GGA3: variants seen among roughly 807,000 people sequenced by gnomAD.
The protein encoded by GGA3 is golgi associated, gamma adaptin ear containing, ARF binding protein 3, also known as ADP-ribosylation factor-binding protein GGA3.
GGA3 carries 57 observed loss-of-function variants against 77.5 expected under a neutral mutation model. The observed-to-expected ratio is 0.74, with a 90% CI of 0.59 to 0.92. The LOEUF (loss-of-function observed/expected upper bound fraction) is 0.92, where lower values mean the gene tolerates loss of function less well. Among genes scored for constraint, GGA3 ranks in the 40% least tolerant of loss-of-function variants. GGA3 has a pLI of 0.00. For missense variants in GGA3, 970 were observed against 914.9 expected (o/e 1.06, Z -0.78); for synonymous variants, 416 against 383.7 (o/e 1.08, Z -0.98).
At chr17:75,241,316 C>A (rs2076547414) in intron 10 of GGA3, 84 bp downstream of exon 10, 1 of 917,912 alleles carries the variant, frequency 1.1e-6, no homozygotes, top group Non-Finnish European at 1.8e-6. Context: ...CACCACCACG[C>A]TGGCCAGCCT....
At position 75,240,002 on chromosome 17, in the gene GGA3, G is replaced by A; in HGVS notation, c.1370C>T (p.Ser457Phe). 1.3e-6 allele frequency: 2 copies of A among 1,553,840 alleles called. No individual in the cohort carries two copies. The highest frequency in any genetic ancestry group is 1.4e-5 in the African/African-American group (1 of 73,290). Residue 457 changes from serine to phenylalanine, a missense_variant, in exon 13 of 17, where the codon TCC becomes TTC. Coordinates refer to ENST00000537686, the MANE Select transcript of GGA3 (RefSeq NM_138619.4). ...LQPSAPSSSS[S>F]QAPLPPPFPA... The stretch of plus-strand genomic sequence containing the variant: ...GAAGGGAGGCGGCAGTGGAGCTTGG[G>A]AGCTGCTTGAGGAGGGGGCTGAGGG...
rs888148878 is a variant in GGA3 at position 75,237,077 on chromosome 17, A to G, written c.*1202T>C. On this transcript the variant is annotated 3_prime_UTR_variant, in exon 17 of 17. Transcript: ENST00000537686. ...TCCCCCGTGTCTATGGCAGCTGGTGATTTTTTTTTTGTGACGGAGGCTTGG... is the reference window on the plus strand; with the variant it reads ...TCCCCCGTGTCTATGGCAGCTGGTGGTTTTTTTTTTGTGACGGAGGCTTGG... 1.8e-5 allele frequency: 4 copies of G among 221,130 alleles called. No homozygotes were observed. Among genetic ancestry groups the G allele is most frequent in the Non-Finnish European group, 3.6e-5 (4 of 111,434 alleles). 13.7% of individuals were successfully genotyped at this position (221,130 alleles called of 1,614,324 possible). A position where few individuals can be genotyped will look rare whatever the true frequency, so the allele number is the denominator to read the frequency against.
Position 75,242,384 on chromosome 17 carries a change from A to G in GGA3, c.699T>C (p.Leu233=). ...CCGAAGAGTCCTCCTGGCTGTAATG[A>G]AGCAGCATCTCACTGAGCAGTCTCA... ...NNVRLLSEML[L]HYSQEDSSDG... is the part of the protein sequence containing the mutation. The change falls in exon 8 of 17, where the codon CTT becomes CTC. Residue 233 remains leucine, a synonymous_variant. Coordinates refer to ENST00000537686, the MANE Select transcript of GGA3 (RefSeq NM_138619.4). 1.2e-6 allele frequency: 2 copies of G among 1,614,154 alleles called. No individual in the cohort carries two copies. The highest frequency in any genetic ancestry group is 2.2e-5 in the South Asian group (2 of 91,086).
intron 1 of GGA3, among the ~76,000 whole-genome samples, chr17:75,259,727 C>T (rs17568408): frequency 0.16 from 24,972 of 151,724 alleles, 2,664 homozygotes; most frequent in Middle Eastern, 0.28. Flanking sequence ...CTGACTGAGA[C>T]GATGCTGAAC....
At position 75,238,320 on chromosome 17, in the gene GGA3, C is replaced by T; in HGVS notation, c.2131G>A (p.Val711Met). 1 of 1,613,884 alleles carries T rather than the reference C, an allele frequency of 6.2e-7. No homozygotes were observed. Among genetic ancestry groups the T allele is most frequent in the Admixed American group, 1.7e-5 (1 of 60,012 alleles). ...GEQLSTEVGE[V>M]DQFPPVEQWG... is the part of the protein sequence containing the mutation. ...TGTTCCACAGGAGGGAACTGGTCCA[C>T]CTCGCCCACCTCTGTGCTCAGCTGC... Residue 711 changes from valine to methionine, a missense_variant, in exon 17 of 17, where the codon GTG (valine) becomes ATG (methionine). Coordinates refer to ENST00000537686, the MANE Select transcript of GGA3 (RefSeq NM_138619.4).
chr17:75,248,912 C>T (rs915305288), intron 1 of GGA3: 99 of 985,052 alleles, frequency 1.0e-4, no homozygotes, highest in South Asian at 1.4e-4. Context: ...ATCTGAGTAG[C>T]GACAGCTGCC....
chr17:75,250,120 T>A (rs556679545), intron 1 of GGA3, among the ~76,000 whole-genome samples: 1 of 152,248 alleles, frequency 6.6e-6, no homozygotes, highest in African/African-American at 2.4e-5. Context: ...TAATTCTGGG[T>A]GACTTGATCT....
At chr17:75,254,056 C>T (rs1035021260) in intron 1 of GGA3, among the ~76,000 whole-genome samples, 1 of 152,202 alleles carries the variant, frequency 6.6e-6, no homozygotes, top group Non-Finnish European at 1.5e-5. Flanking sequence ...AGGTGCCTCA[C>T]ATCCAGGCAT....
chr17:75,246,915 G>C, intron 1 of GGA3, 119 bp from the exon 2 acceptor site: 1 of 732,994 alleles, frequency 1.4e-6, no homozygotes, highest in Non-Finnish European at 2.4e-6. Context: ...CTCTAATAGA[G>C]AAGCCTCAGT....
In GGA3 at chr17:75,237,708, A is replaced by AG. The variant is rs1488031376; in HGVS notation, c.*570dup. On this transcript the variant is annotated 3_prime_UTR_variant, in exon 17 of 17. Coordinates refer to ENST00000537686, the MANE Select transcript of GGA3 (RefSeq NM_138619.4). ...ATTCCAGGACGATGCTGTCCACCAG[A>AG]GGCAGGGCTGGGGACTTTGCAGTAT... 9 of 1,451,946 alleles carry AG rather than the reference A, an allele frequency of 6.2e-6. No homozygotes were observed. Among genetic ancestry groups the AG allele is most frequent in the Non-Finnish European group, 8.2e-6 (9 of 1,103,926 alleles). 89.9% of individuals were successfully genotyped at this position (1,451,946 alleles called of 1,614,324 possible).
Position 75,238,680 on chromosome 17 carries a change from TG to T in GGA3, c.2032del (p.Gln678ArgfsTer9). 1 of 1,613,806 alleles carries T rather than the reference TG, an allele frequency of 6.2e-7. No individual in the cohort carries two copies. The highest frequency in any genetic ancestry group is 8.5e-7 in the Non-Finnish European group (1 of 1,179,760). On this transcript the variant is annotated frameshift_variant, in exon 16 of 17. Transcript: ENST00000537686. LOFTEE classifies it high-confidence loss of function. ...SPIQPPAAIT[Q>X]VMLLANPLKE... ...CAGTGGATTGGCCAGCAACATGACC[TG>T]GGTGATGGCTGCAGGTGGCTGGATG...
At position 75,239,535 on chromosome 17, in the gene GGA3, G is replaced by A; in HGVS notation, c.1620C>T (p.Leu540=). The change falls in exon 14 of 17, where the codon CTC becomes CTT. Residue 540 remains leucine (L), a synonymous_variant. Coordinates refer to ENST00000537686, the MANE Select transcript of GGA3 (RefSeq NM_138619.4). ...SGLVKPTTSP[L]IPTTTPARPL... Reference sequence around the variant, plus strand: ...GCCTGGCTGGGGTGGTGGTGGGGATGAGAGGGGAGGTAGTGGGTTTCACCA... The same window carrying A: ...GCCTGGCTGGGGTGGTGGTGGGGATAAGAGGGGAGGTAGTGGGTTTCACCA... The A allele has an allele frequency of 1.9e-6, 3 of 1,563,130 alleles. No individual in the cohort carries two copies. Among genetic ancestry groups the A allele is most frequent in the Non-Finnish European group, 2.6e-6 (3 of 1,155,342 alleles).
intron 1 of GGA3, among the ~76,000 whole-genome samples, chr17:75,247,321 G>A (rs1024296947): frequency 1.3e-5 from 2 of 150,994 alleles, no homozygotes; most frequent in African/African-American, 4.9e-5. Context: ...GTAGTACAGT[G>A]GCACGATCTC....
At chr17:75,239,608 C>T (rs1371054432) in intron 13 of GGA3, 37 bp from the exon 14 acceptor site, 2 of 1,512,616 alleles carry the variant, frequency 1.3e-6, no homozygotes, top group Middle Eastern at 1.8e-4. Context: ...CGTCAGAGAG[C>T]CAGCCAGAGC....
intron 1 of GGA3, among the ~76,000 whole-genome samples, chr17:75,254,476 A>T (rs1233914769): frequency 1.3e-5 from 2 of 152,148 alleles, no homozygotes; most frequent in African/African-American, 4.8e-5. Flanking sequence ...CATCAAATAT[A>T]AAAATCCAGC....
At chr17:75,261,627 A>G, upstream of GGA3, 2 of 1,509,106 alleles carry the variant, frequency 1.3e-6, no homozygotes, top group African/African-American at 1.4e-5. Flanking sequence ...AACTCGCGAG[A>G]GTCTGCACGA....
chr17:75,238,157 C>T lies in GGA3; in HGVS notation c.*122G>A. 2.0e-6 allele frequency: 3 copies of T among 1,482,414 alleles called. No individual in the cohort carries two copies. The highest frequency in any genetic ancestry group is 1.8e-6 in the Non-Finnish European group (2 of 1,119,006). The allele number at this position is 1,482,414 out of a possible 1,614,324, so 91.8% of individuals were successfully genotyped here. A position where few individuals can be genotyped will look rare whatever the true frequency, so the allele number is the denominator to read the frequency against. On this transcript the variant is annotated 3_prime_UTR_variant, in exon 17 of 17. Coordinates refer to ENST00000537686, the MANE Select transcript of GGA3 (RefSeq NM_138619.4). ...GTTCTCAGCAGAAATGCCCAGGGCC[C>T]CTGTTCCACATCAAAGCTACAAGCA... is the stretch of plus-strand genomic sequence containing the variant.
Position 75,238,849 on chromosome 17 carries a change from C to T in GGA3, c.1950+65G>A, listed in dbSNP as rs569708564. 22 of 1,586,812 alleles carry T rather than the reference C, an allele frequency of 1.4e-5. No individual in the cohort carries two copies. In the South Asian group the frequency reaches 2.4e-4, roughly 17 times the overall value. ...GCACACACACACTGCCACCTGCTGG[C>T]TGCAAAGGCCTCTACACAACAGGGT... On this transcript the variant is annotated intron_variant, in intron 15 of 16. Coordinates refer to ENST00000537686, the MANE Select transcript of GGA3 (RefSeq NM_138619.4).
chr17:75,246,014 C>T (rs1487610262), intron 3 of GGA3, among the ~76,000 whole-genome samples: 1 of 152,230 alleles, frequency 6.6e-6, no homozygotes, highest in African/African-American at 2.4e-5. Context: ...CCATTCCACA[C>T]CTTAAATTCC....
Sources: gnomAD v4.1 joint callset for allele counts (sites outside exome capture counted in the v4.1 genomes callset) on GRCh38, gnomAD v4.1.1 for gene constraint, MANE v1.5 for transcripts, NCBI Gene and HGNC (gene_info 2026-07-23, HGNC 2026-07-21) for gene names.